The following RELN variants were observed in gnomAD, a reference collection of about 807,000 sequenced individuals.
The protein encoded by RELN is reelin.
RELN carries 108 observed loss-of-function variants against 427.6 expected under a neutral mutation model. That is an observed-to-expected ratio of 0.25 (90% confidence interval 0.22 to 0.30). The LOEUF (loss-of-function observed/expected upper bound fraction) is 0.30, where lower values mean the gene tolerates loss of function less well. RELN is among the 10% of genes least tolerant of loss of function. RELN has a pLI of 1.00. For synonymous variants in RELN, 1,524 were observed against 1,513.4 expected (o/e 1.01, Z -0.16); for missense variants, 3,715 against 4,302.8 (o/e 0.86, Z 3.82).
intron 2 of RELN, among the ~76,000 whole-genome samples, chr7:103,890,326 T>C (rs1463954409): frequency 5.3e-5 from 8 of 152,018 alleles, no homozygotes; most frequent in Non-Finnish European, 1.5e-5. Flanking sequence ...CTATAACAGG[T>C]GTCCCCAACT....
At position 103,732,565 on chromosome 7, in the gene RELN, G is replaced by C. The variant is rs143293444; in HGVS notation, c.657-4358C>G. Among the ~76,000 whole-genome samples the C allele has an allele frequency of 7.1e-3, 1,086 of 152,240 alleles. 7 individuals carry two copies. Among genetic ancestry groups the C allele is most frequent in the Non-Finnish European group, 0.011 (727 of 68,004 alleles). ...AATGGAGACAAGGCAAGACCGTACA[G>C]AAGGCAACTGGTGGTCATGGCTTCC... On this transcript the variant is annotated intron_variant, in intron 6 of 64. Transcript: ENST00000428762.
rs55656324 is a variant in RELN, at chr7:103,989,356, TGCC to T, written c.-3_-1del. 2,333 of 1,396,900 alleles carry T rather than the reference TGCC, an allele frequency of 1.7e-3. 35 individuals are homozygous for T. The highest frequency in any genetic ancestry group is 5.0e-3 in the Admixed American group (179 of 35,596). 86.5% of individuals were successfully genotyped at this position (1,396,900 alleles called of 1,614,324 possible). On this transcript the variant is annotated 5_prime_UTR_variant, in exon 1 of 65. Transcript: ENST00000428762. The surrounding 1 kb of genome is among the most constrained non-coding windows in gnomAD (Gnocchi z 4.9). ...TGCCGGGCCCAGCCACTGCGCTCCATGCCGCCGCCGCCGCCGCCGCCGCCGCGC... is the reference window on the plus strand; with the variant it reads ...TGCCGGGCCCAGCCACTGCGCTCCATGCCGCCGCCGCCGCCGCCGCCGCGC...
intron 21 of RELN, 76 bp downstream of exon 21, chr7:103,611,535 A>ACT: frequency 1.1e-6 from 1 of 876,938 alleles, no homozygotes; most frequent in South Asian, 1.6e-5. Context: ...CTAGAACTGT[A>ACT]ATTTTTTTTT....
chr7:103,504,973 T>C (rs1018281922), intron 51 of RELN, among the ~76,000 whole-genome samples: 1 of 152,072 alleles, frequency 6.6e-6, no homozygotes, highest in African/African-American at 2.4e-5. Context: ...AAGTTTGAAA[T>C]GGGTGGAGCC....
intron 3 of RELN, among the ~76,000 whole-genome samples, chr7:103,832,860 T>C (rs1793307735): frequency 6.6e-6 from 1 of 152,156 alleles, no homozygotes; most frequent in Non-Finnish European, 1.5e-5. Flanking sequence ...AGCTCAAAGC[T>C]AAATCTGTGG....
At chr7:103,689,588 C>T (rs1459762021) in intron 10 of RELN, among the ~76,000 whole-genome samples, 4 of 152,032 alleles carry the variant, frequency 2.6e-5, no homozygotes, top group Non-Finnish European at 4.4e-5. Flanking sequence ...CAAAGACGAG[C>T]GTAAACAAAC....
At chr7:103,617,161 A>G (rs1584347897) in intron 20 of RELN, among the ~76,000 whole-genome samples, 1 of 152,190 alleles carries the variant, frequency 6.6e-6, no homozygotes, top group Non-Finnish European at 1.5e-5. Flanking sequence ...TATTGGCTAC[A>G]TATACAGTGT....
chr7:103,533,613 A>C (rs916863895), intron 46 of RELN, among the ~76,000 whole-genome samples: 2 of 152,192 alleles, frequency 1.3e-5, no homozygotes, highest in Non-Finnish European at 2.9e-5. Flanking sequence ...AGGGTAATAT[A>C]ATAAACAAAC....
chr7:103,834,839 C>A (rs111810665), intron 2 of RELN, among the ~76,000 whole-genome samples: 1,544 of 152,278 alleles, frequency 0.01, 25 homozygotes, highest in African/African-American at 0.035. Flanking sequence ...AACTCTCATT[C>A]ATTGCTGGTG....
At chr7:103,857,455 A>AG (rs1345063898) in intron 2 of RELN, among the ~76,000 whole-genome samples, 1 of 152,186 alleles carries the variant, frequency 6.6e-6, no homozygotes, top group Non-Finnish European at 1.5e-5. Flanking sequence ...TCCAACATGC[A>AG]GGGGTGTAAT....
chr7:103,914,878 T>A (rs931403667), intron 2 of RELN, among the ~76,000 whole-genome samples: 2 of 152,142 alleles, frequency 1.3e-5, no homozygotes, highest in Non-Finnish European at 2.9e-5. Flanking sequence ...GAACAATCTT[T>A]CTGAACCCCC....
chr7:103,648,479 T>A (rs1832842349), intron 16 of RELN, among the ~76,000 whole-genome samples: 1 of 152,046 alleles, frequency 6.6e-6, no homozygotes, highest in Non-Finnish European at 1.5e-5. Flanking sequence ...AGTGCAAGAA[T>A]GGATTAATAT....
chr7:103,627,614 C>T (rs1832356021), intron 20 of RELN, among the ~76,000 whole-genome samples: 1 of 152,168 alleles, frequency 6.6e-6, no homozygotes, highest in Admixed American at 6.6e-5. Context: ...CCAGGGTATA[C>T]TCTCTGTTGT....
chr7:103,889,271 C>T (rs1235597971), intron 2 of RELN, among the ~76,000 whole-genome samples: 1 of 152,160 alleles, frequency 6.6e-6, no homozygotes, highest in Non-Finnish European at 1.5e-5. Flanking sequence ...AGGAGGTGAT[C>T]AGCTTTGCTG....
intron 17 of RELN, among the ~76,000 whole-genome samples, chr7:103,638,120 C>T (rs568767625): frequency 3.9e-5 from 6 of 152,106 alleles, no homozygotes; most frequent in Non-Finnish European, 7.4e-5. Context: ...AGCAAAACAA[C>T]AAGGTCACAC....
chr7:103,742,394 T>A (rs986695866), intron 6 of RELN, among the ~76,000 whole-genome samples: 1 of 152,138 alleles, frequency 6.6e-6, no homozygotes, highest in South Asian at 2.1e-4. Context: ...TCCTCACCAG[T>A]AACGGAACAA....
chr7:103,561,798 G>T lies in RELN; in HGVS notation c.5351+15C>A. 1 of 1,613,900 alleles carries T rather than the reference G, an allele frequency of 6.2e-7. No homozygotes were observed. The highest frequency in any genetic ancestry group is 8.5e-7 in the Non-Finnish European group (1 of 1,179,928). On this transcript the variant is annotated intron_variant, in intron 35 of 64. Coordinates refer to ENST00000428762, the MANE Select transcript of RELN (RefSeq NM_005045.4). ...TGCGTTACAAAGAAAGAAACTGTCA[G>T]TTTTATTAACTTACACACAGCGTCC...
At chr7:103,954,020 T>G (rs932500298) in intron 1 of RELN, among the ~76,000 whole-genome samples, 1 of 150,190 alleles carries the variant, frequency 6.7e-6, no homozygotes, top group Non-Finnish European at 1.5e-5. Flanking sequence ...GAGGCAGAGG[T>G]GGGTGGATCA....
intron 18 of RELN, among the ~76,000 whole-genome samples, chr7:103,635,931 A>T (rs370207196): frequency 6.6e-6 from 1 of 152,178 alleles, no homozygotes; most frequent in East Asian, 1.9e-4. Context: ...CAGCCTCCTC[A>T]AGCTGTCAAA....
Sources: allele counts gnomAD v4.1 joint callset (sites outside exome capture counted in the v4.1 genomes callset), GRCh38; gene constraint gnomAD v4.1.1; non-coding constraint Gnocchi (gnomAD v3.1); transcripts MANE v1.5; gene names NCBI Gene and HGNC (gene_info 2026-07-23, HGNC 2026-07-21).